The following DAPK2 variants were observed in gnomAD, a reference collection of about 807,000 sequenced individuals.
The protein encoded by DAPK2 is death associated protein kinase 2.
DAPK2 carries 35 observed loss-of-function variants against 44.1 expected under a neutral mutation model. The ratio of observed to expected loss-of-function variants is 0.79; its 90% CI spans 0.61 to 1.05. DAPK2 has a LOEUF of 1.05. Ranked by LOEUF, DAPK2 falls within the 50% of genes least tolerant of loss-of-function variation. The probability of loss-of-function intolerance (pLI) is 0.00; values close to 1 mark genes in which losing one functional copy is unlikely to be tolerated. For synonymous variants in DAPK2, 174 were observed against 182.6 expected, an observed-to-expected ratio of 0.95 and a Z score of 0.38; for missense variants, 453 against 483.2, an observed-to-expected ratio of 0.94 and a Z score of 0.59.
At chr15:63,975,955 C>A (rs11855846) in intron 2 of DAPK2, among the ~76,000 whole-genome samples, 2,388 of 152,252 alleles carry the variant, frequency 0.016, 62 homozygotes, top group African/African-American at 0.055. Context: ...TTCCCTGCCC[C>A]CTAGTCCATC....
At chr15:64,042,970 T>A (rs150037268), upstream of DAPK2, among the ~76,000 whole-genome samples, 8 of 152,274 alleles carry the variant, frequency 5.3e-5, no homozygotes, top group East Asian at 1.9e-4. The surrounding 1 kb of genome is among the most constrained non-coding windows in gnomAD (Gnocchi z 4.7). Context: ...AGGGTTCGAG[T>A]TGATCATATT....
chr15:64,001,676 ATGT>A (rs2079088298), intron 1 of DAPK2, among the ~76,000 whole-genome samples: 1 of 152,118 alleles, frequency 6.6e-6, no homozygotes, highest in African/African-American at 2.4e-5. Flanking sequence ...TTGCTCCTAA[ATGT>A]TGTACCAGCG....
intron 3 of DAPK2, among the ~76,000 whole-genome samples, chr15:63,945,181 T>TCTTA (rs2077416775): frequency 6.6e-6 from 1 of 152,030 alleles, no homozygotes; most frequent in African/African-American, 2.4e-5. Context: ...CTCCCTTACT[T>TCTTA]CTCCCTGAGC....
intron 3 of DAPK2, among the ~76,000 whole-genome samples, chr15:63,959,022 T>C (rs1322642987): frequency 6.6e-6 from 1 of 152,238 alleles, no homozygotes; most frequent in Non-Finnish European, 1.5e-5. Flanking sequence ...TGTCCTCTTT[T>C]ATTTCATTGA....
chr15:63,923,238 G>A lies in DAPK2; in HGVS notation c.858+1578C>T, dbSNP rs1449256048. ...TCGAAGTTGACATAGGAGTTGTTGG[G>A]AGGCATGCTTGAGTGGCATTTGAGA... On this transcript the variant is annotated intron_variant, in intron 8 of 10. Transcript: ENST00000261891. The surrounding 1 kb of genome is among the most constrained non-coding windows in gnomAD (Gnocchi z 4.2). The A allele has an allele frequency of 3.3e-6, 5 of 1,535,932 alleles. No homozygotes were observed. The African/African-American group carries it at 4.1e-5, about 13-fold the overall frequency.
At chr15:63,958,421 C>T (rs1198900908) in intron 3 of DAPK2, among the ~76,000 whole-genome samples, 6 of 152,192 alleles carry the variant, frequency 3.9e-5, no homozygotes, top group Non-Finnish European at 8.8e-5. Flanking sequence ...GTCATGAAGT[C>T]TTTGCCCATG....
chr15:64,041,180 C>T (rs2080345490), upstream of DAPK2, among the ~76,000 whole-genome samples: 1 of 152,212 alleles, frequency 6.6e-6, no homozygotes, highest in Non-Finnish European at 1.5e-5. Flanking sequence ...TCATCAACCC[C>T]AAAGGAAAGA....
chr15:63,918,299 T>C, intron 8 of DAPK2: 1 of 152,604 alleles, frequency 6.6e-6, no homozygotes, highest in Non-Finnish European at 1.5e-5. Context: ...CTCTGCTCCA[T>C]CCCTTCACTG....
At chr15:64,009,615 TAAGTTC>T (rs1446402508) in intron 1 of DAPK2, among the ~76,000 whole-genome samples, 1 of 152,164 alleles carries the variant, frequency 6.6e-6, no homozygotes, top group East Asian at 1.9e-4. Flanking sequence ...ACTCCTGTTT[TAAGTTC>T]AAGTTCCAGC....
chr15:63,946,616 A>G (rs1385566191), intron 3 of DAPK2, among the ~76,000 whole-genome samples: 2 of 152,130 alleles, frequency 1.3e-5, no homozygotes, highest in Non-Finnish European at 2.9e-5. Flanking sequence ...GGAGCTCACA[A>G]TGTTGGGGCT....
chr15:64,014,028 G>A (rs2079456000), intron 1 of DAPK2, among the ~76,000 whole-genome samples: 1 of 152,222 alleles, frequency 6.6e-6, no homozygotes, highest in Non-Finnish European at 1.5e-5. Flanking sequence ...TGCTGAGGTT[G>A]CACCAACACA....
chr15:63,923,869 G>A lies in DAPK2; in HGVS notation c.858+947C>T, dbSNP rs2079161393. 6.6e-6 allele frequency among the ~76,000 whole-genome samples: 1 copy of A among 152,180 alleles called. No homozygotes were observed. Among genetic ancestry groups the A allele is most frequent in the African/African-American group, 2.4e-5 (1 of 41,432 alleles). On this transcript the variant is annotated intron_variant, in intron 8 of 10. Transcript: ENST00000261891. This position sits in a 1 kb window ranked among gnomAD's most constrained non-coding sequence, Gnocchi z 4.2. Reference sequence around the variant, plus strand: ...TTGATTGATTATTATTTTTTAGAGAGATGGGGTCTTGGCATGTTGCTCAAG... The same window carrying A: ...TTGATTGATTATTATTTTTTAGAGAAATGGGGTCTTGGCATGTTGCTCAAG...
At chr15:63,911,960 T>C (rs1479102715) in exon 10 of DAPK2, 1 of 1,613,844 alleles carries the variant, frequency 6.2e-7, no homozygotes, top group Non-Finnish European at 8.5e-7. Flanking sequence ...GCGGGTGAGG[T>C]GGTTGCACAG....
At position 63,916,677 on chromosome 15, in the gene DAPK2, G is replaced by T. The variant is rs1220714920; in HGVS notation, c.859-4480C>A. On this transcript the variant is annotated intron_variant, in intron 8 of 10. Transcript: ENST00000261891. The surrounding 1 kb of genome is among the most constrained non-coding windows in gnomAD (Gnocchi z 4.7). The stretch of plus-strand genomic sequence containing the variant: ...CTGCAGAAAGGCTGTGAGCCTGAAG[G>T]CTGCCCCCTACAGTGAACAAGCCAG... 1 of 152,240 alleles carries T rather than the reference G, an allele frequency of 6.6e-6. No homozygotes were observed. Among genetic ancestry groups the T allele is most frequent in the Non-Finnish European group, 1.5e-5 (1 of 68,050 alleles). The allele number at this position is 152,240 out of a possible 1,614,324, so 9.4% of individuals were successfully genotyped here.
At chr15:63,944,591 TAC>T (rs957475448) in intron 3 of DAPK2, among the ~76,000 whole-genome samples, 6 of 152,196 alleles carry the variant, frequency 3.9e-5, no homozygotes, top group African/African-American at 1.4e-4. Context: ...GAGTGATAGG[TAC>T]TGTTATAAAC....
intron 3 of DAPK2, among the ~76,000 whole-genome samples, chr15:63,950,590 A>G (rs965488618): frequency 6.6e-6 from 1 of 152,130 alleles, no homozygotes; most frequent in Non-Finnish European, 1.5e-5. Context: ...TATTTTTTTT[A>G]TTTTTTATTT....
At chr15:63,993,809 C>A (rs1180385571) in intron 1 of DAPK2, among the ~76,000 whole-genome samples, 1 of 152,106 alleles carries the variant, frequency 6.6e-6, no homozygotes, top group Non-Finnish European at 1.5e-5. Flanking sequence ...GTCCTCATGC[C>A]AATCCCTGTT....
intron 1 of DAPK2, among the ~76,000 whole-genome samples, chr15:64,016,342 A>G (rs2079525454): frequency 6.6e-6 from 1 of 152,270 alleles, no homozygotes; most frequent in African/African-American, 2.4e-5. Flanking sequence ...GAGGCAGTGT[A>G]GTTCAGTGGA....
At chr15:63,944,053 C>T (rs2077387067) in intron 3 of DAPK2, among the ~76,000 whole-genome samples, 1 of 152,098 alleles carries the variant, frequency 6.6e-6, no homozygotes, top group South Asian at 2.1e-4. Context: ...TGAGTAGCCC[C>T]AGAACCCATC....
Sources: gnomAD v4.1 joint callset for allele counts (sites outside exome capture counted in the v4.1 genomes callset) on GRCh38, gnomAD v4.1.1 for gene constraint, Gnocchi (gnomAD v3.1) non-coding constraint, MANE v1.5 for transcripts, NCBI Gene and HGNC (gene_info 2026-07-23, HGNC 2026-07-21) for gene names.